Variants in TMEM74 observed in about 807,000 individuals in gnomAD.
TMEM74 encodes the protein transmembrane protein 74.
Under a neutral mutation model 18.1 loss-of-function variants are expected in TMEM74, and 13 were observed. That is an observed-to-expected ratio of 0.72 (90% CI 0.47 to 1.14). The LOEUF is 1.14. Ranked by LOEUF, TMEM74 falls within the 50% of genes most tolerant of loss-of-function variation. The pLI is 0.00. For missense variants in TMEM74, 372 were observed against 375.9 expected, an observed-to-expected ratio of 0.99 and a Z score of 0.09; for synonymous variants, 159 against 146.6, an observed-to-expected ratio of 1.08 and a Z score of -0.61.
intron 2 of TMEM74, among the ~76,000 whole-genome samples, chr8:108,631,383 G>A (rs1276586568): frequency 2.0e-5 from 3 of 151,944 alleles, no homozygotes; most frequent in Admixed American, 2.0e-4. Context: ...GGGAAAAACA[G>A]GATTGTAGAA....
At position 108,783,189 on chromosome 8, in the gene TMEM74, C is replaced by A. The variant is rs570692429; in HGVS notation, c.*992G>T. 5.5e-4 allele frequency among the ~76,000 whole-genome samples: 84 copies of A among 152,252 alleles called. 2 individuals carry two copies. Among genetic ancestry groups the A allele is most frequent in the South Asian group, 5.2e-3 (25 of 4,830 alleles). On this transcript the variant is annotated 3_prime_UTR_variant, in exon 2 of 2. Transcript: ENST00000297459. ...CTTGGCCTACAGCAAGTGATACAGC[C>A]TGCGAGGCACAGTCCCCAAAAGTCT...
In TMEM74 at chr8:108,769,510, A is replaced by G. The variant is rs148798657; in HGVS notation, n.119+17966T>C. On this transcript the variant is annotated intron_variant and non_coding_transcript_variant, in intron 1 of 3. Coordinates refer to the TMEM74 transcript ENST00000518838. ...TTTTCTCCCTAGTTGCCTGTGCCCG[A>G]CCCTCAAATTCTTCATTATTTCTCA... is the stretch of plus-strand genomic sequence containing the variant. Among the ~76,000 whole-genome samples, 797 of 151,892 alleles carry G rather than the reference A, an allele frequency of 5.2e-3. 4 individuals carry two copies. Among genetic ancestry groups the G allele is most frequent in the African/African-American group, 0.018 (748 of 41,382 alleles).
At chr8:108,733,459 A>G (rs917384270) in intron 1 of TMEM74, among the ~76,000 whole-genome samples, 5 of 152,338 alleles carry the variant, frequency 3.3e-5, no homozygotes, top group Admixed American at 6.5e-5. Context: ...GAGAATAAAA[A>G]TCAGATGAGT....
intron 2 of TMEM74, among the ~76,000 whole-genome samples, chr8:108,654,159 T>G (rs183993613): frequency 1.3e-5 from 2 of 152,242 alleles, no homozygotes; most frequent in East Asian, 3.9e-4. Context: ...TTACTTTTAC[T>G]TAGTGGAAAA....
intron 1 of TMEM74, among the ~76,000 whole-genome samples, chr8:108,722,829 A>G (rs1813598988): frequency 6.6e-6 from 1 of 152,192 alleles, no homozygotes; most frequent in African/African-American, 2.4e-5. Context: ...TCTTCATATT[A>G]CTATCATGGC....
chr8:108,772,533 A>T (rs900108920), intron 1 of TMEM74, among the ~76,000 whole-genome samples: 2 of 152,170 alleles, frequency 1.3e-5, no homozygotes, highest in Non-Finnish European at 2.9e-5. Flanking sequence ...CAACTTGTGG[A>T]ATACATACAA....
At chr8:108,732,147 A>C (rs926260850) in intron 1 of TMEM74, among the ~76,000 whole-genome samples, 14 of 152,200 alleles carry the variant, frequency 9.2e-5, no homozygotes, top group Non-Finnish European at 1.6e-4. Context: ...AAGTTTAAAA[A>C]TACCATTTAC....
At chr8:108,625,225 T>C (rs1812482622) in intron 2 of TMEM74, among the ~76,000 whole-genome samples, 1 of 152,050 alleles carries the variant, frequency 6.6e-6, no homozygotes, top group Non-Finnish European at 1.5e-5. Context: ...TTTTAAACTG[T>C]TAACCACAAC....
rs1256738432 is a variant in TMEM74 at position 108,742,082 on chromosome 8, T to A, written n.119+45394A>T. 5.3e-5 allele frequency among the ~76,000 whole-genome samples: 8 copies of A among 152,044 alleles called. No individual in the cohort carries two copies. In the East Asian group the frequency reaches 1.5e-3, roughly 29 times the overall value. On this transcript the variant is annotated intron_variant and non_coding_transcript_variant, in intron 1 of 3. Transcript: ENST00000518838. ...AATACTGCATGTTCTCCCTTCTAAG[T>A]GGGACCTGAATAATGAGAAATCACA... is the stretch of plus-strand genomic sequence containing the variant.
chr8:108,705,322 C>T (rs146019281), intron 1 of TMEM74, among the ~76,000 whole-genome samples: 19 of 152,248 alleles, frequency 1.2e-4, no homozygotes, highest in East Asian at 7.7e-4. Flanking sequence ...GTGTTAACAA[C>T]GCCTTGAAGT....
chr8:108,787,345 T>C (rs1316501081), intron 1 of TMEM74, 131 bp downstream of exon 1: 1 of 152,130 alleles, frequency 6.6e-6, no homozygotes, highest in Non-Finnish European at 1.5e-5. Context: ...GCATTCGAGG[T>C]ACGGATGTGT....
At chr8:108,608,092 A>C (rs1406980031) in intron 3 of TMEM74, among the ~76,000 whole-genome samples, 1 of 152,168 alleles carries the variant, frequency 6.6e-6, no homozygotes, top group South Asian at 2.1e-4. Context: ...TCACAAGGTC[A>C]TGATTTCGAG....
intron 2 of TMEM74, among the ~76,000 whole-genome samples, chr8:108,645,412 T>C (rs1418963015): frequency 1.3e-5 from 2 of 152,148 alleles, no homozygotes; most frequent in African/African-American, 4.8e-5. Context: ...GCTCAGTGCC[T>C]GGGTGATGGG....
In TMEM74 at chr8:108,780,711, G is replaced by T. The variant is rs1814294792; in HGVS notation, c.*3470C>A. On this transcript the variant is annotated 3_prime_UTR_variant, in exon 2 of 2. Coordinates refer to ENST00000297459, the MANE Select transcript of TMEM74 (RefSeq NM_153015.3). ...GTAACTTGATAGAACAGAATCAAGG[G>T]TTATAGCAGTCATGTGGGTAAAAGC... Among the ~76,000 whole-genome samples the T allele has an allele frequency of 6.6e-6, 1 of 152,126 alleles. No homozygotes were observed. Among genetic ancestry groups the T allele is most frequent in the Non-Finnish European group, 1.5e-5 (1 of 68,026 alleles).
intron 1 of TMEM74, among the ~76,000 whole-genome samples, chr8:108,709,384 A>G (rs1412645022): frequency 6.6e-6 from 1 of 152,212 alleles, no homozygotes; most frequent in African/African-American, 2.4e-5. Flanking sequence ...GACAACATCA[A>G]TAAACCTAGG....
intron 1 of TMEM74, among the ~76,000 whole-genome samples, chr8:108,712,574 C>T (rs367696514): frequency 6.6e-6 from 1 of 152,274 alleles, no homozygotes; most frequent in African/African-American, 2.4e-5. Flanking sequence ...AGGCTGCTCC[C>T]TGAGTAAAAG....
chr8:108,708,829 A>AAAAAAAAAAAAAAAAAC (rs1813445187), intron 1 of TMEM74, among the ~76,000 whole-genome samples: 1 of 150,646 alleles, frequency 6.6e-6, no homozygotes, highest in African/African-American at 2.4e-5. Flanking sequence ...AAAAAAAAAA[A>AAAAAAAAAAAAAAAAAC]AAACCAACCC....
chr8:108,657,021 C>T (rs1586249597), intron 1 of TMEM74, among the ~76,000 whole-genome samples: 1 of 152,142 alleles, frequency 6.6e-6, no homozygotes, highest in African/African-American at 2.4e-5. Flanking sequence ...TTGTGGTTTT[C>T]TCTATTATGT....
intron 1 of TMEM74, among the ~76,000 whole-genome samples, chr8:108,684,595 T>C (rs985646108): frequency 1.3e-5 from 2 of 152,128 alleles, no homozygotes; most frequent in Admixed American, 6.6e-5. Context: ...ATCCCATTTG[T>C]TTATTTTTGC....
Sources: gnomAD v4.1 joint callset for allele counts (sites outside exome capture counted in the v4.1 genomes callset) on GRCh38, gnomAD v4.1.1 for gene constraint, MANE v1.5 for transcripts, NCBI Gene and HGNC (gene_info 2026-07-23, HGNC 2026-07-21) for gene names.